Variants in AK4 observed in about 807,000 individuals in gnomAD.
The protein encoded by AK4 is adenylate kinase 4, mitochondrial.
AK4 carries 13 observed loss-of-function variants against 24.6 expected under a neutral mutation model. The observed-to-expected ratio is 0.53, with a 90% CI of 0.34 to 0.84. The LOEUF (loss-of-function observed/expected upper bound fraction) is 0.84. AK4 is among the 40% of genes least tolerant of loss of function. The pLI is 0.01. For synonymous variants in AK4, 88 were observed against 107.0 expected (o/e 0.82, Z 1.10); for missense variants, 192 against 288.2 (o/e 0.67, Z 2.42).
intron 1 of AK4, among the ~76,000 whole-genome samples, chr1:65,165,311 A>G (rs1289989296): frequency 3.3e-5 from 5 of 152,180 alleles, no homozygotes; most frequent in African/African-American, 9.7e-5. Flanking sequence ...TTGAAGGATG[A>G]GTAGCAGGTG....
In AK4 at chr1:65,232,116, TAA is replaced by T. The variant is rs1397780861; in HGVS notation, c.*5941_*5942del. The stretch of plus-strand genomic sequence containing the variant: ...TTCATACTTTTCAATTTGATAGAAA[TAA>T]AGTTTTTTTCTGCTTATAGCTAGCG... On this transcript the variant is annotated 3_prime_UTR_variant, in exon 5 of 5. Coordinates refer to ENST00000327299, the MANE Select transcript of AK4 (RefSeq NM_013410.4). 6.6e-6 allele frequency: 1 copy of T among 152,240 alleles called. No homozygotes were observed. The highest frequency in any genetic ancestry group is 1.5e-5 in the Non-Finnish European group (1 of 68,042). 9.4% of individuals were successfully genotyped at this position (152,240 alleles called of 1,614,324 possible). A position where few individuals can be genotyped will look rare whatever the true frequency, so the allele number is the denominator to read the frequency against.
chr1:65,158,386 G>T (rs1650045605), intron 1 of AK4, among the ~76,000 whole-genome samples: 1 of 152,166 alleles, frequency 6.6e-6, no homozygotes, highest in African/African-American at 2.4e-5. Context: ...ATCTGTATTG[G>T]TGCATATTGT....
intron 2 of AK4, among the ~76,000 whole-genome samples, chr1:65,202,202 CCTGGCTAACA>C: frequency 6.8e-6 from 1 of 147,134 alleles, no homozygotes; most frequent in African/African-American, 2.5e-5. Context: ...TTGAGACCGT[CCTGGCTAACA>C]CGGTGAGACC....
chr1:65,187,856 G>T (rs1651155254), intron 1 of AK4, among the ~76,000 whole-genome samples: 1 of 152,096 alleles, frequency 6.6e-6, no homozygotes, highest in African/African-American at 2.4e-5. Flanking sequence ...TATAATACTA[G>T]TCAAATGAAT....
intron 1 of AK4, among the ~76,000 whole-genome samples, chr1:65,151,883 A>C (rs10789170): frequency 0.39 from 59,994 of 151,974 alleles, 14,566 homozygotes; most frequent in African/African-American, 0.69. Flanking sequence ...GAAGAGTCAC[A>C]CCCATATCTT....
chr1:65,155,816 C>T (rs1649962740), intron 1 of AK4, among the ~76,000 whole-genome samples: 1 of 151,872 alleles, frequency 6.6e-6, no homozygotes, highest in Admixed American at 6.6e-5. Context: ...ATTATAGGCA[C>T]TTGCCACCAT....
intron 1 of AK4, among the ~76,000 whole-genome samples, chr1:65,172,882 A>ATTTC (rs1650587083): frequency 2.1e-5 from 1 of 46,600 alleles, no homozygotes. Flanking sequence ...TTTTTTTTTG[A>ATTTC]TACGAACTCT....
intron 1 of AK4, among the ~76,000 whole-genome samples, chr1:65,152,364 A>ATCTCTCTC (rs1327370501): frequency 2.7e-5 from 1 of 37,526 alleles, no homozygotes; most frequent in Non-Finnish European, 5.4e-5. Flanking sequence ...CTCTCTCTAT[A>ATCTCTCTC]TATATATATA....
At chr1:65,170,717 A>T (rs1322121637) in intron 1 of AK4, among the ~76,000 whole-genome samples, 1 of 152,106 alleles carries the variant, frequency 6.6e-6, no homozygotes, top group Non-Finnish European at 1.5e-5. Flanking sequence ...TGATGATAGG[A>T]TCTTCCTGTA....
rs148122596 is a variant in AK4, at chr1:65,150,287, T to C, written c.145+1735T>C. Among the ~76,000 whole-genome samples, 14 of 121,436 alleles carry C rather than the reference T, an allele frequency of 1.2e-4. No homozygotes were observed. In the South Asian group the frequency reaches 1.4e-3, roughly 12 times the overall value. 79.7% of individuals were successfully genotyped at this position (121,436 alleles called of 152,430 possible). A position where few individuals can be genotyped will look rare whatever the true frequency, so the allele number is the denominator to read the frequency against. ...GTTCTCTCTTTCTCTCTCTCTCTCT[T>C]TTTTTTTTTTAACTTTCCTGTGTTC... On this transcript the variant is annotated intron_variant, in intron 1 of 4. Coordinates refer to ENST00000327299, the MANE Select transcript of AK4 (RefSeq NM_013410.4).
Position 65,226,229 on chromosome 1 carries a change from T to C in AK4, c.*52T>C. On this transcript the variant is annotated 3_prime_UTR_variant, in exon 5 of 5. Transcript: ENST00000327299. The stretch of plus-strand genomic sequence containing the variant: ...ATGTGGTCATTCATTCAATAGTGTG[T>C]GTAGTATTGGTGCTGTGTCCAAATT... The C allele has an allele frequency of 2.1e-6, 3 of 1,434,548 alleles. No individual in the cohort carries two copies. The highest frequency in any genetic ancestry group is 2.8e-6 in the Non-Finnish European group (3 of 1,054,380). The allele number at this position is 1,434,548 out of a possible 1,614,324, so 88.9% of individuals were successfully genotyped here. A position where few individuals can be genotyped will look rare whatever the true frequency, so the allele number is the denominator to read the frequency against.
intron 1 of AK4, among the ~76,000 whole-genome samples, chr1:65,188,688 C>A (rs1225703136): frequency 6.6e-6 from 1 of 151,784 alleles, no homozygotes; most frequent in Non-Finnish European, 1.5e-5. Flanking sequence ...CCGTGTTAGC[C>A]AGGATGGTCT....
At chr1:65,208,006 A>T (rs1405755619) in intron 2 of AK4, among the ~76,000 whole-genome samples, 1 of 152,206 alleles carries the variant, frequency 6.6e-6, no homozygotes, top group Non-Finnish European at 1.5e-5. Context: ...TGTGATGAAC[A>T]TACAAGTACA....
At chr1:65,177,260 A>G (rs1650750514) in intron 1 of AK4, among the ~76,000 whole-genome samples, 1 of 152,248 alleles carries the variant, frequency 6.6e-6, no homozygotes, top group Admixed American at 6.5e-5. Flanking sequence ...TGCCACGAGC[A>G]TATTAGTCTA....
At chr1:65,150,865 C>G (rs1649748472) in intron 1 of AK4, among the ~76,000 whole-genome samples, 1 of 152,194 alleles carries the variant, frequency 6.6e-6, no homozygotes, top group Non-Finnish European at 1.5e-5. Context: ...TGGTGAAAAG[C>G]TGCTCTTTCA....
At chr1:65,181,228 A>G (rs899432245) in intron 1 of AK4, among the ~76,000 whole-genome samples, 8 of 151,494 alleles carry the variant, frequency 5.3e-5, no homozygotes, top group Non-Finnish European at 8.8e-5. Flanking sequence ...TCAGTACCCC[A>G]TAGCTCCTTT....
intron 1 of AK4, among the ~76,000 whole-genome samples, chr1:65,154,981 G>C (rs1231012833): frequency 1.3e-5 from 2 of 151,646 alleles, no homozygotes; most frequent in East Asian, 3.9e-4. Context: ...TTCCCAAGTA[G>C]CTGGGATTAC....
At chr1:65,166,526 T>G (rs1650335286) in intron 1 of AK4, among the ~76,000 whole-genome samples, 1 of 151,040 alleles carries the variant, frequency 6.6e-6, no homozygotes, top group Admixed American at 6.6e-5. Context: ...ATAATTGCTT[T>G]TTAAATTTTT....
At chr1:65,172,067 A>G (rs1395552900) in intron 1 of AK4, among the ~76,000 whole-genome samples, 2 of 24,354 alleles carry the variant, frequency 8.2e-5, no homozygotes, top group Non-Finnish European at 1.3e-4. Flanking sequence ...TCTCAAGTAT[A>G]TATATATATA....
Sources: gnomAD v4.1 joint callset for allele counts (sites outside exome capture counted in the v4.1 genomes callset) on GRCh38, gnomAD v4.1.1 for gene constraint, MANE v1.5 for transcripts, NCBI Gene and HGNC (gene_info 2026-07-23, HGNC 2026-07-21) for gene names.